The following AKAP6 variants were observed in gnomAD, a reference collection of about 807,000 sequenced individuals.
AKAP6 encodes the protein A-kinase anchor protein 6.
Under a neutral mutation model 188.5 loss-of-function variants are expected in AKAP6, and 58 were observed. The ratio of observed to expected loss-of-function variants is 0.31; its 90% confidence interval spans 0.25 to 0.38. The LOEUF (loss-of-function observed/expected upper bound fraction) is 0.38. Among genes scored for constraint, AKAP6 ranks in the 10% least tolerant of loss-of-function variants. The pLI, the probability that AKAP6 is intolerant of heterozygous loss-of-function variation, is 1.00. For synonymous variants in AKAP6, 989 were observed against 998.6 expected (o/e 0.99, Z 0.18); for missense variants, 2,710 against 2,740.0 (o/e 0.99, Z 0.24).
chr14:32,500,795 A>G (rs1380315567), intron 2 of AKAP6, among the ~76,000 whole-genome samples: 1 of 152,128 alleles, frequency 6.6e-6, no homozygotes, highest in Admixed American at 6.6e-5. Context: ...GTCTACAGGT[A>G]TGATGGTCAT....
intron 7 of AKAP6, among the ~76,000 whole-genome samples, chr14:32,609,471 G>T (rs74041642): frequency 0.017 from 2,655 of 152,092 alleles, 96 homozygotes; most frequent in African/African-American, 0.06. Flanking sequence ...AGGTCCCGCC[G>T]GGCAGAGCTC....
At chr14:32,553,257 G>A (rs975051646) in intron 4 of AKAP6, among the ~76,000 whole-genome samples, 1 of 151,352 alleles carries the variant, frequency 6.6e-6, no homozygotes, top group African/African-American at 2.4e-5. Flanking sequence ...CGCCTCCTGG[G>A]TCTCCTGGGT....
At chr14:32,799,057 AT>A (rs1327445705) in intron 12 of AKAP6, among the ~76,000 whole-genome samples, 1 of 152,212 alleles carries the variant, frequency 6.6e-6, no homozygotes, top group Non-Finnish European at 1.5e-5. Context: ...TCTAGAAATA[AT>A]ACGTTGTGTG....
At chr14:32,472,842 T>C (rs1566524531) in intron 2 of AKAP6, among the ~76,000 whole-genome samples, 1 of 152,128 alleles carries the variant, frequency 6.6e-6, no homozygotes, top group Non-Finnish European at 1.5e-5. Context: ...TAATTTGATA[T>C]TGGGAACTTA....
chr14:32,341,340 C>A (rs1311227488), intron 1 of AKAP6, among the ~76,000 whole-genome samples: 5 of 152,152 alleles, frequency 3.3e-5, no homozygotes, highest in Non-Finnish European at 7.3e-5. Flanking sequence ...AGTGAAAGTG[C>A]TGTTGTTAGG....
At chr14:32,617,386 C>T (rs952116858) in intron 7 of AKAP6, among the ~76,000 whole-genome samples, 6 of 152,032 alleles carry the variant, frequency 3.9e-5, no homozygotes, top group Non-Finnish European at 8.8e-5. Context: ...TTTATCAATT[C>T]CCACAGCATT....
chr14:32,515,666 C>T lies in AKAP6; in HGVS notation c.325-19888C>T, dbSNP rs570174595. 2.0e-5 allele frequency among the ~76,000 whole-genome samples: 3 copies of T among 152,196 alleles called. No individual in the cohort carries two copies. The South Asian group carries it at 6.2e-4, about 32-fold the overall frequency. Reference sequence around the variant, plus strand: ...TCTATGGGGATACAGATAACCAATACACACAGGGGCCAAGAATTCAGACTC... The same window carrying T: ...TCTATGGGGATACAGATAACCAATATACACAGGGGCCAAGAATTCAGACTC... On this transcript the variant is annotated intron_variant, in intron 2 of 13. Transcript: ENST00000280979.
intron 1 of AKAP6, among the ~76,000 whole-genome samples, chr14:32,347,480 T>C (rs1487013865): frequency 6.6e-6 from 1 of 152,186 alleles, no homozygotes; most frequent in East Asian, 1.9e-4. Context: ...TTAGCTGACT[T>C]TGCCTAGAAA....
intron 2 of AKAP6, among the ~76,000 whole-genome samples, chr14:32,513,115 C>T (rs567216993): frequency 2.0e-5 from 3 of 152,200 alleles, no homozygotes; most frequent in South Asian, 4.2e-4. Flanking sequence ...AGGAGGTAAA[C>T]AAGATCTTGC....
chr14:32,569,889 C>T (rs961418364), intron 4 of AKAP6, among the ~76,000 whole-genome samples: 1 of 151,988 alleles, frequency 6.6e-6, no homozygotes, highest in African/African-American at 2.4e-5. Context: ...GAATGTAGCC[C>T]GTTTTGAAAA....
chr14:32,761,300 C>T (rs971835534), intron 11 of AKAP6, among the ~76,000 whole-genome samples: 7 of 152,086 alleles, frequency 4.6e-5, no homozygotes, highest in Non-Finnish European at 7.4e-5. Flanking sequence ...CCCTAGAGTT[C>T]TTGAATCCAT....
At chr14:32,358,731 T>A (rs987074389) in intron 1 of AKAP6, among the ~76,000 whole-genome samples, 3 of 151,936 alleles carry the variant, frequency 2.0e-5, no homozygotes, top group Non-Finnish European at 2.9e-5. Flanking sequence ...CAGGGGATAG[T>A]GAGAAGGGAG....
At chr14:32,673,471 A>T (rs1889303755) in intron 7 of AKAP6, among the ~76,000 whole-genome samples, 1 of 152,190 alleles carries the variant, frequency 6.6e-6, no homozygotes, top group South Asian at 2.1e-4. Context: ...GTGGTGGCTC[A>T]TGCCTGTAAT....
At chr14:32,714,898 G>C (rs2030102749) in intron 9 of AKAP6, among the ~76,000 whole-genome samples, 1 of 151,798 alleles carries the variant, frequency 6.6e-6, no homozygotes, top group African/African-American at 2.4e-5. Flanking sequence ...ACATTTAGCT[G>C]TCTATGAGGA....
intron 2 of AKAP6, among the ~76,000 whole-genome samples, chr14:32,527,930 A>G (rs1882214039): frequency 6.6e-6 from 1 of 152,180 alleles, no homozygotes; most frequent in Admixed American, 6.5e-5. Flanking sequence ...TGTCTTTCAC[A>G]GAACATAAAT....
At chr14:32,658,971 A>G (rs1888570713) in intron 7 of AKAP6, among the ~76,000 whole-genome samples, 1 of 152,040 alleles carries the variant, frequency 6.6e-6, no homozygotes, top group African/African-American at 2.4e-5. Context: ...GTTAGTTGTT[A>G]GAATTTGTGT....
At chr14:32,785,337 A>C (rs1162971373) in intron 12 of AKAP6, among the ~76,000 whole-genome samples, 2 of 152,232 alleles carry the variant, frequency 1.3e-5, no homozygotes, top group Non-Finnish European at 2.9e-5. Flanking sequence ...TTTCTTTTGA[A>C]TAATTGAAAT....
chr14:32,709,630 A>G (rs879744716), intron 9 of AKAP6, among the ~76,000 whole-genome samples: 2 of 152,052 alleles, frequency 1.3e-5, no homozygotes, highest in East Asian at 3.9e-4. Context: ...TATCCATTCC[A>G]TATAGGAGAG....
chr14:32,669,954 G>A (rs761319738), intron 7 of AKAP6, among the ~76,000 whole-genome samples: 1 of 152,000 alleles, frequency 6.6e-6, no homozygotes, highest in East Asian at 1.9e-4. Context: ...AAACTTAGCT[G>A]GGTATGGTGG....
Sources: gnomAD v4.1 joint callset for allele counts (sites outside exome capture counted in the v4.1 genomes callset) on GRCh38, gnomAD v4.1.1 for gene constraint, MANE v1.5 for transcripts, NCBI Gene and HGNC (gene_info 2026-07-23, HGNC 2026-07-21) for gene names.